The following DMD variants were observed in gnomAD, a reference collection of about 807,000 sequenced individuals.
The protein encoded by DMD is mutant dystrophin.
In DMD, 63 loss-of-function variants were observed where a neutral mutation model predicts 330.1. The observed-to-expected ratio is 0.19, with a 90% CI of 0.16 to 0.24. The LOEUF is 0.24. Among genes scored for constraint, DMD ranks in the 10% least tolerant of loss-of-function variants. The pLI, the probability that DMD is intolerant of heterozygous loss-of-function variation, is 1.00. For missense variants in DMD, 3,344 were observed against 2,684.1 expected (o/e 1.25, Z -5.43); for synonymous variants, 1,223 against 959.8 (o/e 1.27, Z -5.07).
At chrX:32,317,144 C>G (rs1227399098) in intron 41 of DMD, among the ~76,000 whole-genome samples, 2 of 111,155 alleles carry the variant, frequency 1.8e-5, no homozygotes, top group Non-Finnish European at 3.8e-5. Context: ...ATTATAGATA[C>G]TCATGCATCA....
chrX:31,824,389 G>A (rs943002404), intron 49 of DMD, among the ~76,000 whole-genome samples: 3 of 109,876 alleles, frequency 2.7e-5, no homozygotes, highest in Non-Finnish European at 5.7e-5. Context: ...TCAGCCTCCC[G>A]GTAGCTGGGA....
At chrX:32,880,086 A>G (rs1160737428) in intron 2 of DMD, among the ~76,000 whole-genome samples, 1 of 111,316 alleles carries the variant, frequency 9.0e-6, no homozygotes, top group African/African-American at 3.3e-5. Context: ...GCAAGGAATC[A>G]TCCATCCACA....
chrX:31,560,538 A>G (rs2075134489), intron 55 of DMD, among the ~76,000 whole-genome samples: 1 of 111,340 alleles, frequency 9.0e-6, no homozygotes, highest in African/African-American at 3.3e-5. Context: ...ACTCCTTTGC[A>G]ACTTATATTA....
At chrX:32,532,109 C>A (rs1047315650) in intron 17 of DMD, among the ~76,000 whole-genome samples, 1 of 110,958 alleles carries the variant, frequency 9.0e-6, no homozygotes, top group Non-Finnish European at 1.9e-5. Context: ...GTGGTTAAGA[C>A]CATGGTGAGC....
At chrX:31,537,435 T>A (rs991968522) in intron 55 of DMD, among the ~76,000 whole-genome samples, 3 of 112,097 alleles carry the variant, frequency 2.7e-5, no homozygotes, top group African/African-American at 9.7e-5. Flanking sequence ...CTTGCAAGGT[T>A]TTAATTACGT....
chrX:33,271,037 G>A (rs2053145561), intron 1 of DMD, among the ~76,000 whole-genome samples: 1 of 111,248 alleles, frequency 9.0e-6, no homozygotes, highest in African/African-American at 3.3e-5. Context: ...GTTATTTGTG[G>A]CAATATTGTA....
At chrX:32,517,604 G>T (rs1466849338) in intron 18 of DMD, 1 of 155,460 alleles carries the variant, frequency 6.4e-6, no homozygotes, top group Admixed American at 7.6e-5. Context: ...TATAGACATA[G>T]TCCTAAGTAT....
intron 60 of DMD, among the ~76,000 whole-genome samples, chrX:31,374,555 A>G (rs1257130122): frequency 9.4e-6 from 1 of 106,667 alleles, no homozygotes; most frequent in Admixed American, 1.0e-4. Context: ...CATCATTCTC[A>G]GTAAACTATC....
chrX:31,132,329 T>C (rs2034619921), intron 77 of DMD, among the ~76,000 whole-genome samples: 1 of 112,339 alleles, frequency 8.9e-6, no homozygotes, highest in Non-Finnish European at 1.9e-5. Flanking sequence ...TTAAGGACTC[T>C]AAAAGCGGGA....
At chrX:32,712,825 C>T (rs900909643) in intron 7 of DMD, among the ~76,000 whole-genome samples, 3 of 111,497 alleles carry the variant, frequency 2.7e-5, no homozygotes, top group Non-Finnish European at 3.8e-5. Context: ...CGGTATTTTA[C>T]AGCCTCTAGG....
chrX:32,033,687 AAG>A lies in DMD; in HGVS notation c.6439-65175_6439-65174del, dbSNP rs202039596. ...AAGAAAGAAAGGAAGGAAAGAAAGA[AAG>A]AGAAAGAAAGAAAGAAGAAAAAGAA... On this transcript the variant is annotated intron_variant, in intron 44 of 78. Transcript: ENST00000357033. 3.0e-4 allele frequency among the ~76,000 whole-genome samples: 33 copies of A among 108,776 alleles called. No homozygotes were observed. The East Asian group carries it at 8.7e-3, about 29-fold the overall frequency. 94.5% of individuals were successfully genotyped at this position (108,776 alleles called of 115,157 possible).
intron 1 of DMD, among the ~76,000 whole-genome samples, chrX:33,068,868 A>C (rs1050834717): frequency 8.9e-6 from 1 of 112,334 alleles, no homozygotes; most frequent in Non-Finnish European, 1.9e-5. Context: ...AGGTTGTGCA[A>C]AGTACCATCT....
intron 25 of DMD, among the ~76,000 whole-genome samples, chrX:32,456,299 T>A (rs2098357861): frequency 9.0e-6 from 1 of 111,222 alleles, no homozygotes; most frequent in African/African-American, 3.3e-5. Flanking sequence ...TGTAAATAAA[T>A]GTTTCACCCT....
intron 59 of DMD, among the ~76,000 whole-genome samples, chrX:31,454,791 C>T (rs1423475709): frequency 9.1e-6 from 1 of 110,067 alleles, no homozygotes; most frequent in Non-Finnish European, 1.9e-5. Context: ...CTCTTTCTGT[C>T]GCCCAGGCTG....
chrX:31,727,306 A>G (rs1027716814), intron 52 of DMD, among the ~76,000 whole-genome samples: 1 of 111,777 alleles, frequency 8.9e-6, no homozygotes, highest in Admixed American at 9.5e-5. Context: ...GTGTGTTGCA[A>G]CTTGTTGGAG....
In DMD at chrX:32,468,566, G is replaced by C; in HGVS notation, c.3094C>G (p.Leu1032Val). The C allele has an allele frequency of 8.3e-7, 1 of 1,210,485 alleles. No individual in the cohort carries two copies. Among genetic ancestry groups the C allele is most frequent in the Non-Finnish European group, 1.1e-6 (1 of 894,827 alleles). The stretch of plus-strand genomic sequence containing the variant: ...CAATGCTCAACCAGCTGGGAGGAGA[G>C]CTTCTTCCAGCGTCCCTCAATTTCT... The part of the protein sequence containing the change: ...FEEIEGRWKK[L>V]SSQLVEHCQK... The change falls in exon 23 of 79, where the codon CTC (leucine) becomes GTC (valine). Residue 1032 changes from leucine to valine, a missense_variant. Transcript: ENST00000357033.
At chrX:33,001,939 A>T (rs2093289191) in intron 2 of DMD, among the ~76,000 whole-genome samples, 1 of 111,616 alleles carries the variant, frequency 9.0e-6, no homozygotes, top group Non-Finnish European at 1.9e-5. Flanking sequence ...AGGCATCAAC[A>T]TTATACTTTA....
chrX:32,965,024 A>T (rs2092087391), intron 2 of DMD, among the ~76,000 whole-genome samples: 1 of 111,550 alleles, frequency 9.0e-6, no homozygotes, highest in Admixed American at 9.6e-5. Flanking sequence ...TGTGGATGTA[A>T]TCAACAAACC....
At chrX:31,220,640 C>G (rs1200552059) in intron 64 of DMD, among the ~76,000 whole-genome samples, 2 of 111,232 alleles carry the variant, frequency 1.8e-5, no homozygotes, top group African/African-American at 6.5e-5. Flanking sequence ...TCCTCTCCCC[C>G]GTTACAAGCA....
Sources: gnomAD v4.1 joint callset for allele counts (sites outside exome capture counted in the v4.1 genomes callset) on GRCh38, gnomAD v4.1.1 for gene constraint, MANE v1.5 for transcripts, NCBI Gene and HGNC (gene_info 2026-07-23, HGNC 2026-07-21) for gene names.